The following POU6F2 variants were observed in gnomAD, a reference collection of about 807,000 sequenced individuals.
POU6F2 encodes the protein POU class 6 homeobox 2.
A neutral mutation model predicts 71.3 loss-of-function variants in POU6F2; 31 were observed. The ratio of observed to expected loss-of-function variants is 0.43; its 90% CI spans 0.33 to 0.59. POU6F2 has a LOEUF of 0.59. Among genes scored for constraint, POU6F2 ranks in the 20% least tolerant of loss-of-function variants. POU6F2 has a pLI of 0.04. For synonymous variants in POU6F2, 347 were observed against 355.7 expected, an observed-to-expected ratio of 0.98 and a Z score of 0.27; for missense variants, 783 against 856.8, an observed-to-expected ratio of 0.91 and a Z score of 1.07.
intron 2 of POU6F2, among the ~76,000 whole-genome samples, chr7:39,150,225 C>CTGTGTGTGTG (rs60761447): frequency 0.12 from 17,335 of 141,116 alleles, 1,341 homozygotes; most frequent in East Asian, 0.36. Flanking sequence ...AGTAATATGT[C>CTGTGTGTGTG]TGTGTGTGTG....
At position 39,078,810 on chromosome 7, in the gene POU6F2, C is replaced by T. The variant is rs564848336; in HGVS notation, c.106-7050C>T. ...GAGCAATTCCTGAGAAAGGACTCCT[C>T]TGCTGTGAGCCATTGAGGGGCAACA... On this transcript the variant is annotated intron_variant, in intron 1 of 9. Coordinates refer to ENST00000518318, the MANE Select transcript of POU6F2 (RefSeq NM_001370959.1). Among the ~76,000 whole-genome samples the T allele has an allele frequency of 3.2e-4, 49 of 152,288 alleles. 1 individual carries two copies. The highest frequency in any genetic ancestry group is 9.8e-4 in the Admixed American group (15 of 15,302).
intron 4 of POU6F2, among the ~76,000 whole-genome samples, chr7:39,250,512 G>T (rs898049886): frequency 2.0e-5 from 3 of 152,068 alleles, no homozygotes; most frequent in Admixed American, 6.6e-5. Context: ...ACCTACTTTG[G>T]CCCTGTTTGA....
chr7:39,099,466 G>A (rs1343006616), intron 2 of POU6F2, among the ~76,000 whole-genome samples: 1 of 152,220 alleles, frequency 6.6e-6, no homozygotes, highest in East Asian at 1.9e-4. Flanking sequence ...TGGGAACAGA[G>A]CATTTGTCTC....
At position 39,259,410 on chromosome 7, in the gene POU6F2, C is replaced by T. The variant is rs148485328; in HGVS notation, c.598+51790C>T. Among the ~76,000 whole-genome samples, 256 of 152,198 alleles carry T rather than the reference C, an allele frequency of 1.7e-3. 2 individuals carry two copies. Among genetic ancestry groups the T allele is most frequent in the African/African-American group, 5.5e-3 (229 of 41,538 alleles). ...ACAAACGACATAACTTGTCCTTGAACAGAGAGAAAAACAAAATGGCCTGTT... is the reference window on the plus strand; with the variant it reads ...ACAAACGACATAACTTGTCCTTGAATAGAGAGAAAAACAAAATGGCCTGTT... On this transcript the variant is annotated intron_variant, in intron 4 of 9. Transcript: ENST00000518318.
chr7:39,258,863 C>G (rs577290638), intron 4 of POU6F2, among the ~76,000 whole-genome samples: 402 of 152,190 alleles, frequency 2.6e-3, no homozygotes, highest in Non-Finnish European at 3.9e-3. Context: ...AGGAAGGAAG[C>G]TGAAAAGAAA....
At chr7:39,086,484 G>A (rs1189359428) in intron 2 of POU6F2, among the ~76,000 whole-genome samples, 1 of 152,074 alleles carries the variant, frequency 6.6e-6, no homozygotes, top group Non-Finnish European at 1.5e-5. Flanking sequence ...AATACAAGTC[G>A]TGCTATGCCA....
chr7:39,026,794 T>A (rs1239675764), intron 1 of POU6F2, among the ~76,000 whole-genome samples: 1 of 152,088 alleles, frequency 6.6e-6, no homozygotes, highest in Admixed American at 6.6e-5. Context: ...ATTACTTAAT[T>A]TTACTTTTAA....
intron 1 of POU6F2, among the ~76,000 whole-genome samples, chr7:39,069,600 A>C (rs1377526584): frequency 6.6e-6 from 1 of 152,230 alleles, no homozygotes; most frequent in East Asian, 1.9e-4. Flanking sequence ...CGTAACTGCC[A>C]ATAGCCTACT....
In POU6F2 at chr7:39,457,872, G is replaced by A. The variant is rs1007355173; in HGVS notation, c.1490-2675G>A. On this transcript the variant is annotated intron_variant, in intron 8 of 9. Coordinates refer to ENST00000518318, the MANE Select transcript of POU6F2 (RefSeq NM_001370959.1). ...CTTCTTCCCTCTCTCAGAGAGGCCA[G>A]ACCCCTCTCTCACTGTACCATTCTG... is the stretch of plus-strand genomic sequence containing the variant. Among the ~76,000 whole-genome samples, 24 of 152,192 alleles carry A rather than the reference G, an allele frequency of 1.6e-4. No homozygotes were observed. In the Middle Eastern group the frequency reaches 0.01, roughly 65 times the overall value.
At chr7:38,993,220 C>G (rs553911031) in intron 1 of POU6F2, among the ~76,000 whole-genome samples, 2 of 152,004 alleles carry the variant, frequency 1.3e-5, no homozygotes, top group East Asian at 3.9e-4. Context: ...CTTATTTATA[C>G]ATATACATAT....
chr7:38,986,365 C>T (rs1046350620), intron 1 of POU6F2, among the ~76,000 whole-genome samples: 15 of 151,976 alleles, frequency 9.9e-5, no homozygotes, highest in African/African-American at 2.9e-4. Flanking sequence ...GGTAAGAATT[C>T]GAGTACATAG....
At chr7:38,979,475 C>A (rs1562652225) in intron 1 of POU6F2, among the ~76,000 whole-genome samples, 1 of 152,008 alleles carries the variant, frequency 6.6e-6, no homozygotes, top group Non-Finnish European at 1.5e-5. Context: ...ATATTTGCTT[C>A]GACAGAGAAA....
intron 2 of POU6F2, among the ~76,000 whole-genome samples, chr7:39,130,393 C>T (rs1792244311): frequency 6.6e-6 from 1 of 152,162 alleles, no homozygotes; most frequent in South Asian, 2.1e-4. Flanking sequence ...TTTAGACGCA[C>T]ATGGGCCATC....
intron 4 of POU6F2, among the ~76,000 whole-genome samples, chr7:39,307,822 G>T (rs541887315): frequency 1.2e-4 from 19 of 152,098 alleles, no homozygotes; most frequent in Middle Eastern, 6.8e-3. Flanking sequence ...ACAAAAATTA[G>T]CCAGGCATGT....
chr7:39,328,921 C>T (rs1297811214), intron 4 of POU6F2: 4 of 152,260 alleles, frequency 2.6e-5, no homozygotes, highest in Non-Finnish European at 5.9e-5. Flanking sequence ...AATGACTAAC[C>T]TTCATCTGAT....
At chr7:39,048,579 G>A (rs1263444202) in intron 1 of POU6F2, among the ~76,000 whole-genome samples, 1 of 151,862 alleles carries the variant, frequency 6.6e-6, no homozygotes, top group Non-Finnish European at 1.5e-5. Flanking sequence ...TCTTTATCCA[G>A]TCTACCGTTG....
chr7:39,145,752 G>C (rs146905637), intron 2 of POU6F2, among the ~76,000 whole-genome samples: 7 of 152,212 alleles, frequency 4.6e-5, no homozygotes, highest in African/African-American at 1.7e-4. Context: ...CAGTTTTAAG[G>C]GTGTGGGGTT....
intron 1 of POU6F2, among the ~76,000 whole-genome samples, chr7:39,012,008 T>C (rs558413275): frequency 1.3e-5 from 2 of 152,162 alleles, no homozygotes; most frequent in East Asian, 3.9e-4. Context: ...TGTCTTGGAG[T>C]TGCTCTTCTC....
At chr7:39,309,829 G>C (rs893092107) in intron 4 of POU6F2, among the ~76,000 whole-genome samples, 1 of 152,176 alleles carries the variant, frequency 6.6e-6, no homozygotes, top group African/African-American at 2.4e-5. Flanking sequence ...GCACCAACAA[G>C]TAGCTAAATT....
Sources: gnomAD v4.1 joint callset for allele counts (sites outside exome capture counted in the v4.1 genomes callset) on GRCh38, gnomAD v4.1.1 for gene constraint, MANE v1.5 for transcripts, NCBI Gene and HGNC (gene_info 2026-07-23, HGNC 2026-07-21) for gene names.